UCHL5: variants seen among roughly 807,000 people sequenced by gnomAD.
UCHL5 encodes the protein ubiquitin C-terminal hydrolase L5, also known as ubiquitin carboxyl-terminal hydrolase isozyme L5.
In UCHL5, 34 loss-of-function variants were observed where a neutral mutation model predicts 53.8. That is an observed-to-expected ratio of 0.63 (90% CI 0.48 to 0.84). UCHL5 has a LOEUF of 0.84. Among genes scored for constraint, UCHL5 ranks in the 40% least tolerant of loss-of-function variants. The pLI, the probability that UCHL5 is intolerant of heterozygous loss-of-function variation, is 0.00. For synonymous variants in UCHL5, 111 were observed against 126.3 expected (o/e 0.88, Z 0.81); for missense variants, 290 against 385.6 (o/e 0.75, Z 2.08).
Position 193,025,346 on chromosome 1 carries a change from T to C in UCHL5, c.630-1400A>G, listed in dbSNP as rs538431573. 6.2e-4 allele frequency among the ~76,000 whole-genome samples: 94 copies of C among 152,316 alleles called. No individual in the cohort carries two copies. In the Middle Eastern group the frequency reaches 0.01, roughly 17 times the overall value. ...TCTTGTCTTCCAACCTTTAACAAGG[T>C]TCCTAGGTTGGTATTTAAAAAGGCT... On this transcript the variant is annotated intron_variant, in intron 7 of 10. Coordinates refer to ENST00000367454, the MANE Select transcript of UCHL5 (RefSeq NM_001199261.3).
At chr1:193,027,557 T>C (rs1438042638) in intron 7 of UCHL5, among the ~76,000 whole-genome samples, 1 of 152,040 alleles carries the variant, frequency 6.6e-6, no homozygotes, top group East Asian at 1.9e-4. Context: ...TGGTGGCATG[T>C]GCCCATAATC....
intron 3 of UCHL5, among the ~76,000 whole-genome samples, chr1:193,038,903 G>C (rs1013254849): frequency 4.0e-5 from 6 of 151,796 alleles, no homozygotes; most frequent in African/African-American, 9.7e-5. Context: ...GGCTGAGGCA[G>C]GAGGATTGCT....
intron 3 of UCHL5, among the ~76,000 whole-genome samples, chr1:193,030,299 C>T (rs1051683668): frequency 6.6e-6 from 1 of 152,298 alleles, no homozygotes; most frequent in East Asian, 1.9e-4. Context: ...ACTCTACATG[C>T]ATTATTTCTT....
chr1:193,053,137 G>A (rs1274074160), intron 1 of UCHL5, among the ~76,000 whole-genome samples: 1 of 152,062 alleles, frequency 6.6e-6, no homozygotes, highest in Admixed American at 6.6e-5. Context: ...GAAAAAATCT[G>A]AATATCTAGC....
At chr1:193,052,845 C>T (rs1253800038) in intron 1 of UCHL5, among the ~76,000 whole-genome samples, 4 of 152,116 alleles carry the variant, frequency 2.6e-5, no homozygotes, top group Non-Finnish European at 5.9e-5. Context: ...CTAGTATGTG[C>T]CAGAAACCTA....
rs139507096 is a variant in UCHL5, at chr1:193,042,305, G to A, written c.246+7441C>T. Among the ~76,000 whole-genome samples, 299 of 152,260 alleles carry A rather than the reference G, an allele frequency of 2.0e-3. 5 individuals carry two copies. Among genetic ancestry groups the A allele is most frequent in the African/African-American group, 6.8e-3 (283 of 41,556 alleles). On this transcript the variant is annotated intron_variant, in intron 3 of 10. Transcript: ENST00000367454. ...AGTACATTGAACGATGGGTGGGACAGAAGGAAGTAACATAGATAAAGTTTA... is the reference window on the plus strand; with the variant it reads ...AGTACATTGAACGATGGGTGGGACAAAAGGAAGTAACATAGATAAAGTTTA...
intron 3 of UCHL5, 77 bp from the exon 4 acceptor site, chr1:193,029,734 A>G (rs1660676655): frequency 7.0e-6 from 8 of 1,142,620 alleles, no homozygotes; most frequent in Non-Finnish European, 8.6e-6. Flanking sequence ...CAATGGCCCC[A>G]AAACATGAAC....
In UCHL5 at chr1:193,028,107, C is replaced by T. The variant is rs201071799; in HGVS notation, c.607G>A (p.Val203Ile). The T allele has an allele frequency of 4.2e-5, 68 of 1,608,240 alleles. No homozygotes were observed. Among genetic ancestry groups the T allele is most frequent in the Non-Finnish European group, 5.6e-5 (66 of 1,178,672 alleles). ...QDDWISAVRP[V>I]IEKRIQKYSE... The stretch of plus-strand genomic sequence containing the variant: ...TACTTTTGTATCCTTTTTTCTATGA[C>T]AGGCCTTACTGCACTGATCCAATCA... Residue 203 changes from valine to isoleucine, a missense_variant, in exon 7 of 11, where the codon GTC (valine) becomes ATC (isoleucine). Transcript: ENST00000367454.
intron 7 of UCHL5, among the ~76,000 whole-genome samples, chr1:193,024,626 A>G (rs952723728): frequency 1.0e-4 from 15 of 149,482 alleles, no homozygotes; most frequent in Admixed American, 6.7e-4. Flanking sequence ...ATATATAATT[A>G]TATCGTATAG....
intron 10 of UCHL5, among the ~76,000 whole-genome samples, chr1:193,016,854 T>C (rs998318321): frequency 6.6e-6 from 1 of 151,952 alleles, no homozygotes; most frequent in East Asian, 1.9e-4. Flanking sequence ...TTATGTATCC[T>C]TGGTGTCAAC....
At chr1:193,054,458 T>C (rs1670030352) in intron 1 of UCHL5, among the ~76,000 whole-genome samples, 1 of 152,202 alleles carries the variant, frequency 6.6e-6, no homozygotes, top group Non-Finnish European at 1.5e-5. Context: ...AGTCATTCCA[T>C]GGTACAGATA....
chr1:193,023,176 G>A, intron 8 of UCHL5, 140 bp from the exon 9 acceptor site: 1 of 608,116 alleles, frequency 1.6e-6, no homozygotes. Context: ...CCTAACAGCA[G>A]CATTAAAGGA....
chr1:193,018,871 A>G, intron 10 of UCHL5: 1 of 1,506,828 alleles, frequency 6.6e-7, no homozygotes, highest in Non-Finnish European at 9.0e-7. Flanking sequence ...CTATTTCTGA[A>G]TTCTATAGGT....
intron 2 of UCHL5, among the ~76,000 whole-genome samples, chr1:193,051,542 G>C (rs1400690286): frequency 1.3e-5 from 2 of 150,022 alleles, no homozygotes; most frequent in Non-Finnish European, 3.0e-5. Flanking sequence ...AGAGCCTTAG[G>C]TTTGACTCCC....
intron 1 of UCHL5, among the ~76,000 whole-genome samples, chr1:193,058,715 C>A (rs1386075709): frequency 6.6e-6 from 1 of 152,260 alleles, no homozygotes; most frequent in Non-Finnish European, 1.5e-5. Flanking sequence ...TAACCAGAAT[C>A]TCGAGTTCCT....
intron 1 of UCHL5, among the ~76,000 whole-genome samples, chr1:193,053,622 C>G (rs998266183): frequency 1.1e-4 from 16 of 152,166 alleles, no homozygotes; most frequent in Non-Finnish European, 1.3e-4. Flanking sequence ...TTCTTTGAGC[C>G]TCACTTGCAC....
intron 7 of UCHL5, 131 bp downstream of exon 7, chr1:193,027,954 C>A: frequency 6.7e-7 from 1 of 1,493,618 alleles, no homozygotes; most frequent in South Asian, 1.3e-5. Flanking sequence ...GAAAACCCGT[C>A]TCTACGAAAA....
chr1:193,033,539 T>TA (rs1418529192), intron 3 of UCHL5, among the ~76,000 whole-genome samples: 1 of 151,872 alleles, frequency 6.6e-6, no homozygotes, highest in South Asian at 2.1e-4. Flanking sequence ...TATATTAAGT[T>TA]AAAAAAATTA....
chr1:193,029,345 G>A (rs950117751), intron 5 of UCHL5, 36 bp from the exon 6 acceptor site: 7 of 1,612,864 alleles, frequency 4.3e-6, no homozygotes, highest in Admixed American at 1.7e-5. Flanking sequence ...ACTCAAAGAA[G>A]CAAAGAAAGA....
Sources: gnomAD v4.1 joint callset for allele counts (sites outside exome capture counted in the v4.1 genomes callset) on GRCh38, gnomAD v4.1.1 for gene constraint, MANE v1.5 for transcripts, NCBI Gene and HGNC (gene_info 2026-07-23, HGNC 2026-07-21) for gene names.